The following TMC6 variants were observed in gnomAD, a reference collection of about 807,000 sequenced individuals.
TMC6 encodes the protein transmembrane channel like 6.
TMC6 carries 71 observed loss-of-function variants against 95.4 expected under a neutral mutation model. The ratio of observed to expected loss-of-function variants is 0.74; its 90% confidence interval spans 0.61 to 0.91. The LOEUF is 0.91. TMC6 is among the 40% of genes least tolerant of loss of function. The probability of loss-of-function intolerance (pLI) is 0.00; values close to 1 mark genes in which losing one functional copy is unlikely to be tolerated. For missense variants in TMC6, 1,074 were observed against 1,079.1 expected, an observed-to-expected ratio of 1.00 and a Z score of 0.07; for synonymous variants, 514 against 483.1, an observed-to-expected ratio of 1.06 and a Z score of -0.84.
At position 78,126,358 on chromosome 17, in the gene TMC6, G is replaced by A. The variant is rs1296234074; in HGVS notation, c.190C>T (p.Gln64Ter). Residue 64 changes from glutamine to a stop codon, truncating the protein, a stop_gained, in exon 4 of 20, where the codon CAG becomes TAG. Coordinates refer to ENST00000590602, the MANE Select transcript of TMC6 (RefSeq NM_001127198.5). LOFTEE classifies it high-confidence loss of function. ...CCCTCGGGCCGCCAGAGTGTCTGCT[G>A]GCTACTTCCTACAAAGCAAGAAAGA... ...QREREVTGSS[Q>*]QTLWRPEGTQ... 1.3e-6 allele frequency: 2 copies of A among 1,589,788 alleles called. No individual in the cohort carries two copies. The highest frequency in any genetic ancestry group is 2.7e-5 in the African/African-American group (2 of 74,572).
Position 78,112,150 on chromosome 17 carries a change from G to C in TMC6, c.*998C>G, listed in dbSNP as rs1305888883. The C allele has an allele frequency of 4.6e-6, 1 of 219,072 alleles. No homozygotes were observed. Among genetic ancestry groups the C allele is most frequent in the Non-Finnish European group, 9.2e-6 (1 of 108,952 alleles). 13.6% of individuals were successfully genotyped at this position (219,072 alleles called of 1,614,324 possible). On this transcript the variant is annotated 3_prime_UTR_variant, in exon 20 of 20. Coordinates refer to ENST00000590602, the MANE Select transcript of TMC6 (RefSeq NM_001127198.5). ...TGGTTCCTGCAGGCCTGGAGCACAG[G>C]CTGACGGGCTGGTCCCCACAGACCT...
Position 78,121,647 on chromosome 17 carries a change from G to T in TMC6, c.1292C>A (p.Ala431Glu). 1 of 1,599,846 alleles carries T rather than the reference G, an allele frequency of 6.3e-7. No homozygotes were observed. The highest frequency in any genetic ancestry group is 1.7e-5 in the Admixed American group (1 of 58,084). Residue 431 changes from alanine to glutamate, a missense_variant, in exon 11 of 20, where the codon GCG becomes GAG. Ala to Glu is a moderately radical substitution (Grantham distance 107). Transcript: ENST00000590602. This position sits in a 1 kb window ranked among gnomAD's most constrained non-coding sequence, Gnocchi z 5.6. The part of the protein sequence containing the change: ...PRSVCGRLRQ[A>E]AVLGLVWLLC... ...CAGCCACACAAGCCCCAGCACAGCCGCCTGCCGCAGCCTCCCGCACACGCT... is the reference window on the plus strand; with the variant it reads ...CAGCCACACAAGCCCCAGCACAGCCTCCTGCCGCAGCCTCCCGCACACGCT...
Position 78,124,607 on chromosome 17 carries a change from TGAA to T in TMC6, c.805_807del (p.Phe269del), listed in dbSNP as rs751646276. On this transcript the variant is annotated inframe_deletion, in exon 8 of 20. Transcript: ENST00000590602. ...GGGAAGGCGACCTGAGGGCCCATGA[TGAA>T]GGCCACCAGCAGCAGCAGCAGGAGG... 2 of 1,612,346 alleles carry T rather than the reference TGAA, an allele frequency of 1.2e-6. No individual in the cohort carries two copies. Among genetic ancestry groups the T allele is most frequent in the Non-Finnish European group, 1.7e-6 (2 of 1,179,802 alleles).
Position 78,124,161 on chromosome 17 carries a change from C to G in TMC6, c.910G>C (p.Val304Leu), listed in dbSNP as rs754158769. The G allele has an allele frequency of 6.2e-7, 1 of 1,611,858 alleles. No homozygotes were observed. The highest frequency in any genetic ancestry group is 8.5e-7 in the Non-Finnish European group (1 of 1,179,774). Residue 304 changes from valine (V) to leucine (L), a missense_variant, in exon 9 of 20, where the codon GTC (valine) becomes CTC (leucine). Val to Leu is a conservative substitution (Grantham distance 32). Transcript: ENST00000590602. ...LTGAGCFTHT[V>L]MYYGHYSNAT... ...TTACTGTAGTGGCCGTAGTACATGA[C>G]GGTGTGGGTGAAGCAACCCTGCCAC...
intron 3 of TMC6, 54 bp downstream of exon 3, chr17:78,126,470 G>C: frequency 1.9e-6 from 3 of 1,610,428 alleles, no homozygotes; most frequent in Non-Finnish European, 2.5e-6. Context: ...GTCCTGAGGG[G>C]CTGGGGCACC....
chr17:78,118,026 G>T (rs1319040456), intron 15 of TMC6, 91 bp from the exon 16 acceptor site: 1 of 1,542,964 alleles, frequency 6.5e-7, no homozygotes, highest in African/African-American at 1.4e-5. Flanking sequence ...GGGCGACCAG[G>T]GCTGTGCGTC....
rs201479637 is a variant in TMC6 at position 78,120,763 on chromosome 17, G to C, written c.1605C>G (p.Val535=). The part of the protein sequence containing the change: ...CYHWLGRRVG[V]LQGQCWEDFV... ...AATCCTCCCAGCACTGGCCCTGCAG[G>C]ACGCCCACCCTGCGGCCCAGCCAGT... Residue 535 remains valine, a synonymous_variant, in exon 13 of 20, where the codon GTC becomes GTG. Transcript: ENST00000590602. The C allele has an allele frequency of 3.1e-6, 5 of 1,613,422 alleles. No homozygotes were observed. In the Admixed American group the frequency reaches 5.0e-5, roughly 16 times the overall value.
intron 18 of TMC6, among the ~76,000 whole-genome samples, chr17:78,116,174 G>T (rs2074100312): frequency 6.6e-6 from 1 of 151,436 alleles, no homozygotes; most frequent in Non-Finnish European, 1.5e-5. Flanking sequence ...ACGGGGTTTT[G>T]CCATGATGGT....
rs763084731 is a variant in TMC6 at position 78,122,559 on chromosome 17, C to G, written c.1227+46G>C. ...GTCCTAAGTGGACCCAGGGCCAGGC[C>G]TGCAGGGAGCTGGGCAGGCCAGCTT... On this transcript the variant is annotated intron_variant, in intron 10 of 19. Coordinates refer to ENST00000590602, the MANE Select transcript of TMC6 (RefSeq NM_001127198.5). This position sits in a 1 kb window ranked among gnomAD's most constrained non-coding sequence, Gnocchi z 4.9. 4 of 1,602,060 alleles carry G rather than the reference C, an allele frequency of 2.5e-6. No individual in the cohort carries two copies. Among genetic ancestry groups the G allele is most frequent in the Non-Finnish European group, 3.4e-6 (4 of 1,179,486 alleles).
chr17:78,118,854 G>GC, intron 15 of TMC6, 117 bp downstream of exon 15: 1 of 1,187,716 alleles, frequency 8.4e-7, no homozygotes, highest in Non-Finnish European at 1.2e-6. Context: ...CGAGCCGCCA[G>GC]CCCCACTCCA....
chr17:78,121,057 C>A lies in TMC6; in HGVS notation c.1491G>T (p.Glu497Asp). The A allele has an allele frequency of 6.2e-7, 1 of 1,613,308 alleles. No homozygotes were observed. Among genetic ancestry groups the A allele is most frequent in the Non-Finnish European group, 8.5e-7 (1 of 1,180,010 alleles). ...CCTCCAGTACCGGGGAGTCATGCGG[C>A]TCCAGGGCGGCCAGGACACGGCACA... The part of the protein sequence containing the change: ...PYLCRVLAAL[E>D]PHDSPVLEVY... The change falls in exon 12 of 20, where the codon GAG becomes GAT. Residue 497 changes from glutamate to aspartate, a missense_variant. Transcript: ENST00000590602. The surrounding 1 kb of genome is among the most constrained non-coding windows in gnomAD (Gnocchi z 5.6).
At chr17:78,118,037 C>T in intron 15 of TMC6, 102 bp from the exon 16 acceptor site, 6 of 1,535,018 alleles carry the variant, frequency 3.9e-6, no homozygotes, top group Non-Finnish European at 5.3e-6. Flanking sequence ...GCTGTGCGTC[C>T]AGGCAGAGCC....
At chr17:78,129,120 C>G (rs888044481), upstream of TMC6, among the ~76,000 whole-genome samples, 5 of 115,520 alleles carry the variant, frequency 4.3e-5, 1 homozygote, top group South Asian at 3.0e-4. The surrounding 1 kb of genome is among the most constrained non-coding windows in gnomAD (Gnocchi z 4.3). Flanking sequence ...GGCAGCGCCC[C>G]CCCCCCCGCC....
intron 18 of TMC6, among the ~76,000 whole-genome samples, chr17:78,115,492 C>CG (rs893194942): frequency 7.2e-5 from 11 of 152,116 alleles, no homozygotes; most frequent in Admixed American, 3.3e-4. Context: ...ACCTGCTTCA[C>CG]GGGGGGCCGT....
At chr17:78,131,569 C>G, upstream of TMC6, 1 of 1,541,726 alleles carries the variant, frequency 6.5e-7, no homozygotes, top group East Asian at 2.4e-5. Context: ...GCGCCCCAGC[C>G]TCTACCCGTG....
chr17:78,121,405 G>A lies in TMC6; in HGVS notation c.1383+151C>T, dbSNP rs1387020305. On this transcript the variant is annotated intron_variant, in intron 11 of 19. Transcript: ENST00000590602. This position sits in a 1 kb window ranked among gnomAD's most constrained non-coding sequence, Gnocchi z 5.6. ...GACAAGGGGCTGAGAAGTGGGGCTC[G>A]GAGGGGGCCCCAGCACGGGGCACAG... 28 of 1,417,670 alleles carry A rather than the reference G, an allele frequency of 2.0e-5. No homozygotes were observed. Among genetic ancestry groups the A allele is most frequent in the East Asian group, 1.5e-4 (6 of 40,386 alleles). 87.8% of individuals were successfully genotyped at this position (1,417,670 alleles called of 1,614,324 possible).
At position 78,112,178 on chromosome 17, in the gene TMC6, A is replaced by G; in HGVS notation, c.*970T>C. ...GACGGGCTGGTCCCCACAGACCTGG[A>G]GCACTGGGGTCATGACGGGCTGGTC... On this transcript the variant is annotated 3_prime_UTR_variant, in exon 20 of 20. Coordinates refer to ENST00000590602, the MANE Select transcript of TMC6 (RefSeq NM_001127198.5). 1 of 232,956 alleles carries G rather than the reference A, an allele frequency of 4.3e-6. No individual in the cohort carries two copies. The allele number at this position is 232,956 out of a possible 1,614,324, so 14.4% of individuals were successfully genotyped here.
intron 4 of TMC6, 108 bp downstream of exon 4, chr17:78,126,169 G>A: frequency 6.9e-7 from 1 of 1,440,240 alleles, no homozygotes; most frequent in Non-Finnish European, 9.4e-7. Flanking sequence ...CTGAGCTACG[G>A]GAGCAGCCAC....
rs749194096 is a variant in TMC6, at chr17:78,125,149, G to T, written c.536+9C>A. The T allele has an allele frequency of 1.9e-6, 3 of 1,555,992 alleles. No individual in the cohort carries two copies. Among genetic ancestry groups the T allele is most frequent in the Non-Finnish European group, 2.6e-6 (3 of 1,150,130 alleles). ...CAGCGGCGGCATGGTCAGGGTCGGG[G>T]CTGCTCACCGCAGGCTGCGTTTCTC... is the stretch of plus-strand genomic sequence containing the variant. On this transcript the variant is annotated intron_variant, in intron 6 of 19. Transcript: ENST00000590602.
Sources: allele counts gnomAD v4.1 joint callset (sites outside exome capture counted in the v4.1 genomes callset), GRCh38; gene constraint gnomAD v4.1.1; non-coding constraint Gnocchi (gnomAD v3.1); transcripts MANE v1.5; gene names NCBI Gene and HGNC (gene_info 2026-07-23, HGNC 2026-07-21).